ZNF341: variants seen among roughly 807,000 people sequenced by gnomAD.
The protein encoded by ZNF341 is zinc finger protein 341.
Under a neutral mutation model 87.7 loss-of-function variants are expected in ZNF341, and 52 were observed. The ratio of observed to expected loss-of-function variants is 0.59; its 90% CI spans 0.47 to 0.75. The LOEUF is 0.75. ZNF341 is among the 30% of genes least tolerant of loss of function. ZNF341 has a pLI of 0.00. For missense variants in ZNF341, 977 were observed against 1,145.9 expected, an observed-to-expected ratio of 0.85 and a Z score of 2.13; for synonymous variants, 459 against 472.7, an observed-to-expected ratio of 0.97 and a Z score of 0.38.
At chr20:33,781,173 A>G (rs1601286164) in intron 10 of ZNF341, 118 bp from the exon 11 acceptor site, 9 of 756,780 alleles carry the variant, frequency 1.2e-5, no homozygotes, top group Non-Finnish European at 4.7e-6. Context: ...GAGTGGATGG[A>G]TTTGGAATGA....
rs752007821 is a variant in ZNF341 at position 33,791,380 on chromosome 20, G to A, written c.2428G>A (p.Gly810Ser). 2.5e-6 allele frequency: 4 copies of A among 1,612,732 alleles called. No homozygotes were observed. The Admixed American group carries it at 5.0e-5, about 20-fold the overall frequency. ...VLSIVVGGAV[G>S]AETELVVPGH... ...GTCCATCGTTGTGGGTGGTGCGGTG[G>A]GCGCGGAAACTGAGCTGGTGGTACC... is the stretch of plus-strand genomic sequence containing the variant. The change falls in exon 15 of 15, where the codon GGC (glycine) becomes AGC (serine). Residue 810 changes from glycine to serine, a missense_variant. Gly to Ser is a moderately conservative substitution (Grantham distance 56). Transcript: ENST00000375200.
intron 4 of ZNF341, among the ~76,000 whole-genome samples, chr20:33,751,616 C>G (rs1279447030): frequency 6.6e-6 from 1 of 152,064 alleles, no homozygotes; most frequent in Non-Finnish European, 1.5e-5. Context: ...TTCAGCTGCC[C>G]TGGCTGGAGT....
intron 9 of ZNF341, among the ~76,000 whole-genome samples, chr20:33,768,847 A>C (rs935159060): frequency 2.6e-5 from 4 of 152,200 alleles, no homozygotes; most frequent in Admixed American, 6.5e-5. Flanking sequence ...TCAAAGTATG[A>C]TTTTCGAGAT....
At chr20:33,786,056 C>G (rs564336585) in intron 12 of ZNF341, among the ~76,000 whole-genome samples, 1 of 102,972 alleles carries the variant, frequency 9.7e-6, no homozygotes, top group Non-Finnish European at 1.8e-5. Context: ...TTTTTTGAGA[C>G]TGAATGGCAC....
chr20:33,746,743 G>A (rs1244686322), intron 3 of ZNF341, among the ~76,000 whole-genome samples: 1 of 152,182 alleles, frequency 6.6e-6, no homozygotes, highest in Non-Finnish European at 1.5e-5. Context: ...GGCAGTGGAG[G>A]TGGTGAGAAA....
chr20:33,789,805 A>C (rs1275147222), intron 14 of ZNF341, among the ~76,000 whole-genome samples: 1 of 152,186 alleles, frequency 6.6e-6, no homozygotes, highest in African/African-American at 2.4e-5. Context: ...CCCCAGTCCA[A>C]GGAGGAAGCT....
chr20:33,760,055 A>G (rs1354453325), intron 7 of ZNF341, among the ~76,000 whole-genome samples: 1 of 152,196 alleles, frequency 6.6e-6, no homozygotes, highest in Non-Finnish European at 1.5e-5. Flanking sequence ...TCAGTTGAGA[A>G]CTGGTCTACA....
chr20:33,769,912 A>G (rs2019488980), intron 9 of ZNF341, among the ~76,000 whole-genome samples, 172 bp from the exon 10 acceptor site: 1 of 152,116 alleles, frequency 6.6e-6, no homozygotes, highest in Non-Finnish European at 1.5e-5. Context: ...CTCAGTCTCA[A>G]AAATGAATGA....
At chr20:33,751,688 C>T (rs1474064051) in intron 4 of ZNF341, among the ~76,000 whole-genome samples, 1 of 152,148 alleles carries the variant, frequency 6.6e-6, no homozygotes, top group African/African-American at 2.4e-5. Flanking sequence ...GATTCTCCCA[C>T]CTCAGCCTCC....
At position 33,740,953 on chromosome 20, in the gene ZNF341, G is replaced by C; in HGVS notation, c.83G>C (p.Gly28Ala). The C allele has an allele frequency of 1.9e-6, 3 of 1,614,204 alleles. No individual in the cohort carries two copies. Among genetic ancestry groups the C allele is most frequent in the Non-Finnish European group, 2.5e-6 (3 of 1,180,048 alleles). Reference protein sequence around the residue: ...LAVQSLLDGQGAVPDPTGQSV... With the variant: ...LAVQSLLDGQAAVPDPTGQSV... ...GTCCAGTCATTATTGGATGGCCAAGGAGCAGTCCCTGATCCGACAGGCCAG... is the reference window on the plus strand; with the variant it reads ...GTCCAGTCATTATTGGATGGCCAAGCAGCAGTCCCTGATCCGACAGGCCAG... Residue 28 changes from glycine to alanine, a missense_variant, in exon 2 of 15, where the codon GGA (glycine) becomes GCA (alanine). Coordinates refer to ENST00000375200, the MANE Select transcript of ZNF341 (RefSeq NM_001282933.2).
chr20:33,776,969 TA>T (rs1174120896), intron 10 of ZNF341, among the ~76,000 whole-genome samples: 5 of 151,966 alleles, frequency 3.3e-5, no homozygotes, highest in Admixed American at 2.6e-4. Flanking sequence ...CTGTATTTCC[TA>T]AAAACAAGGA....
chr20:33,735,158 G>A (rs141890296), intron 1 of ZNF341, among the ~76,000 whole-genome samples: 5,868 of 151,736 alleles, frequency 0.039, 185 homozygotes, highest in Non-Finnish European at 0.069. Context: ...AGCCTCTTGA[G>A]TAGCTGGGAT....
In ZNF341 at chr20:33,745,282, A is replaced by T; in HGVS notation, c.322A>T (p.Thr108Ser). ...ACCCACAGCGGTCCAGCAGGCCCCA[A>T]CTCCTGCCAATCGCCAGGTATTTGT... is the stretch of plus-strand genomic sequence containing the variant. ...AAPTAVQQAP[T>S]PANRQISTYI... The change falls in exon 3 of 15, where the codon ACT becomes TCT. Residue 108 changes from threonine (T) to serine (S), a missense_variant. Transcript: ENST00000375200. 1 of 1,611,736 alleles carries T rather than the reference A, an allele frequency of 6.2e-7. No homozygotes were observed. The highest frequency in any genetic ancestry group is 8.5e-7 in the Non-Finnish European group (1 of 1,178,430).
At chr20:33,773,935 CT>C (rs2019575523) in intron 10 of ZNF341, among the ~76,000 whole-genome samples, 1 of 152,094 alleles carries the variant, frequency 6.6e-6, no homozygotes, top group South Asian at 2.1e-4. Context: ...TCTCAAATGA[CT>C]TTTAGTCATG....
rs1029507589 is a variant in ZNF341 at position 33,762,195 on chromosome 20, A to C, written c.1222+140A>C. ...TACCTTTATCTATAAAATGTGGCAT[A>C]AGATGAAAGGAAGGATGACAAACAT... On this transcript the variant is annotated intron_variant, in intron 8 of 14. Transcript: ENST00000375200. 17 of 678,426 alleles carry C rather than the reference A, an allele frequency of 2.5e-5. 2 individuals carry two copies. Among genetic ancestry groups the C allele is most frequent in the Non-Finnish European group, 2.9e-5 (13 of 443,412 alleles). The allele number at this position is 678,426 out of a possible 1,614,324, so 42.0% of individuals were successfully genotyped here. A position where few individuals can be genotyped will look rare whatever the true frequency, so the allele number is the denominator to read the frequency against.
At chr20:33,742,634 T>TA (rs926311162) in intron 2 of ZNF341, among the ~76,000 whole-genome samples, 152 of 144,816 alleles carry the variant, frequency 1.0e-3, no homozygotes, top group African/African-American at 2.4e-3. Context: ...TCTCTTTAAT[T>TA]AAAAAAAAAA....
At chr20:33,738,411 C>T (rs1021814297) in intron 1 of ZNF341, among the ~76,000 whole-genome samples, 6 of 152,164 alleles carry the variant, frequency 3.9e-5, no homozygotes, top group African/African-American at 7.2e-5. Context: ...CTCCTAACCT[C>T]ATGGTCTTTC....
intron 4 of ZNF341, chr20:33,752,261 T>A: frequency 6.7e-6 from 4 of 595,852 alleles, no homozygotes; most frequent in Non-Finnish European, 1.3e-5. Context: ...TGGATCTTCA[T>A]CCTCATAACA....
At chr20:33,748,873 C>T (rs2018995676) in intron 3 of ZNF341, 50 bp from the exon 4 acceptor site, 1 of 1,557,684 alleles carries the variant, frequency 6.4e-7, no homozygotes, top group Non-Finnish European at 8.8e-7. Context: ...TGAGCACACA[C>T]ACACTCTGTC....
Sources: gnomAD v4.1 joint callset for allele counts (sites outside exome capture counted in the v4.1 genomes callset) on GRCh38, gnomAD v4.1.1 for gene constraint, MANE v1.5 for transcripts, NCBI Gene and HGNC (gene_info 2026-07-23, HGNC 2026-07-21) for gene names.